GRIK3: variants seen among roughly 807,000 people sequenced by gnomAD.
The protein encoded by GRIK3 is glutamate ionotropic receptor kainate type subunit 3.
Under a neutral mutation model 102.5 loss-of-function variants are expected in GRIK3, and 29 were observed. That is an observed-to-expected ratio of 0.28 (90% CI 0.21 to 0.39). GRIK3 has a LOEUF of 0.39. Ranked by LOEUF, GRIK3 falls within the 10% of genes least tolerant of loss-of-function variation. GRIK3 has a pLI of 1.00. For missense variants in GRIK3, 908 were observed against 1,252.4 expected, an observed-to-expected ratio of 0.73 and a Z score of 4.15; for synonymous variants, 511 against 504.9, an observed-to-expected ratio of 1.01 and a Z score of -0.16.
intron 13 of GRIK3, among the ~76,000 whole-genome samples, chr1:36,809,011 T>G (rs1642529987): frequency 6.6e-6 from 1 of 152,202 alleles, no homozygotes; most frequent in Non-Finnish European, 1.5e-5. Flanking sequence ...TGATTGCAGC[T>G]CTTCAGTTCC....
At chr1:36,813,309 A>G (rs773936761) in intron 13 of GRIK3, among the ~76,000 whole-genome samples, 13 of 152,262 alleles carry the variant, frequency 8.5e-5, no homozygotes, top group East Asian at 1.9e-4. Context: ...AATGCTTGGA[A>G]TGGTGCCTGG....
At chr1:36,942,877 A>G (rs1232325589) in intron 1 of GRIK3, among the ~76,000 whole-genome samples, 1 of 152,056 alleles carries the variant, frequency 6.6e-6, no homozygotes, top group Admixed American at 6.6e-5. Flanking sequence ...GAAGTGGGGG[A>G]CCACTCTCCT....
intron 1 of GRIK3, among the ~76,000 whole-genome samples, chr1:36,948,945 G>A (rs1021251010): frequency 3.9e-5 from 6 of 152,216 alleles, no homozygotes; most frequent in African/African-American, 1.4e-4. Flanking sequence ...AGGGACCAGG[G>A]CACCAAGCGC....
At chr1:36,823,839 T>C (rs1338911426) in intron 11 of GRIK3, among the ~76,000 whole-genome samples, 1 of 152,182 alleles carries the variant, frequency 6.6e-6, no homozygotes, top group African/African-American at 2.4e-5. Flanking sequence ...GAACTTTATA[T>C]CTGGTCTGGG....
intron 1 of GRIK3, among the ~76,000 whole-genome samples, chr1:37,019,411 C>G (rs1453012391): frequency 6.6e-6 from 1 of 152,176 alleles, no homozygotes; most frequent in African/African-American, 2.4e-5. Flanking sequence ...TTCAGTTCGT[C>G]TCTTCATCTC....
At chr1:36,857,675 T>C (rs1640668329) in intron 7 of GRIK3, among the ~76,000 whole-genome samples, 1 of 152,220 alleles carries the variant, frequency 6.6e-6, no homozygotes, top group African/African-American at 2.4e-5. Flanking sequence ...CTGTATCTTA[T>C]CCACATTTAT....
chr1:36,831,237 C>T (rs993934218), intron 10 of GRIK3, among the ~76,000 whole-genome samples: 5 of 152,190 alleles, frequency 3.3e-5, no homozygotes, highest in Admixed American at 1.3e-4. Context: ...TTCCCAGAGA[C>T]GTGAACTTGA....
At chr1:36,868,249 G>A (rs1197102634) in intron 5 of GRIK3, among the ~76,000 whole-genome samples, 1 of 152,218 alleles carries the variant, frequency 6.6e-6, no homozygotes, top group East Asian at 1.9e-4. Flanking sequence ...TCAGGGGTCT[G>A]GTAGCCTCCC....
Position 36,920,638 on chromosome 1 carries a change from T to C in GRIK3, c.116-29542A>G, listed in dbSNP as rs555514088. Among the ~76,000 whole-genome samples the C allele has an allele frequency of 3.3e-5, 5 of 152,230 alleles. 1 individual carries two copies. Among genetic ancestry groups the C allele is most frequent in the African/African-American group, 9.6e-5 (4 of 41,554 alleles). ...CAGTTACTGTTGGCCACCTCCCCCA[T>C]GCACCAGCTCCTGTGCTCCAGCCCT... is the stretch of plus-strand genomic sequence containing the variant. On this transcript the variant is annotated intron_variant, in intron 1 of 15. Coordinates refer to ENST00000373091, the MANE Select transcript of GRIK3 (RefSeq NM_000831.4).
intron 1 of GRIK3, among the ~76,000 whole-genome samples, chr1:37,029,505 G>A (rs752728534): frequency 5.3e-5 from 8 of 152,318 alleles, no homozygotes; most frequent in South Asian, 4.1e-4. Flanking sequence ...TAGAGGAGGC[G>A]CCACCTCAGC....
intron 5 of GRIK3, among the ~76,000 whole-genome samples, chr1:36,865,087 A>G (rs1438130345): frequency 1.3e-5 from 2 of 152,222 alleles, no homozygotes; most frequent in African/African-American, 4.8e-5. Context: ...GCCTTAAGGA[A>G]TGACAGATGA....
At chr1:36,892,724 T>C (rs1378073907) in intron 1 of GRIK3, among the ~76,000 whole-genome samples, 2 of 152,186 alleles carry the variant, frequency 1.3e-5, no homozygotes, top group East Asian at 1.9e-4. Flanking sequence ...CATGAACTAA[T>C]GACCAAAACA....
At chr1:36,985,952 T>C (rs1642299555) in intron 1 of GRIK3, among the ~76,000 whole-genome samples, 1 of 152,046 alleles carries the variant, frequency 6.6e-6, no homozygotes. Context: ...CACTGTGGTG[T>C]CCTTGTAAGG....
chr1:36,890,940 C>T lies in GRIK3; in HGVS notation c.272G>A (p.Ser91Asn), dbSNP rs953038986. 1.9e-6 allele frequency: 3 copies of T among 1,611,602 alleles called. No individual in the cohort carries two copies. The East Asian group carries it at 6.7e-5, about 36-fold the overall frequency. The change falls in exon 2 of 16, where the codon AGC (serine) becomes AAC (asparagine). Residue 91 changes from serine (S) to asparagine (N), a missense_variant. Around this residue, in one of 3 missense-constraint regions of GRIK3, gnomAD observed 585 missense variants for 824.9 expected, o/e 0.71. Coordinates refer to ENST00000373091, the MANE Select transcript of GRIK3 (RefSeq NM_000831.4). ...CTCACCCTTTTTGGTCGCCTCGAAGCTGTCATGGAAGTGAATCCTCTGTAT... is the reference window on the plus strand; with the variant it reads ...CTCACCCTTTTTGGTCGCCTCGAAGTTGTCATGGAAGTGAATCCTCTGTAT... ...YDIQRIHFHDSFEATKKACDQ... is the reference protein window; with the variant it reads ...YDIQRIHFHDNFEATKKACDQ...
Position 36,908,262 on chromosome 1 carries a change from A to C in GRIK3, c.116-17166T>G, listed in dbSNP as rs143041494. ...CTGCTTCCAGGGGACCTGACCTAAG[A>C]CAGGGGTGACATTACTGGGGGGCAG... On this transcript the variant is annotated intron_variant, in intron 1 of 15. Coordinates refer to ENST00000373091, the MANE Select transcript of GRIK3 (RefSeq NM_000831.4). Among the ~76,000 whole-genome samples, 1,455 of 152,322 alleles carry C rather than the reference A, an allele frequency of 9.6e-3. 21 individuals carry two copies. Among genetic ancestry groups the C allele is most frequent in the African/African-American group, 0.032 (1,320 of 41,564 alleles).
chr1:36,901,712 C>A (rs1187567679), intron 1 of GRIK3, among the ~76,000 whole-genome samples: 1 of 152,074 alleles, frequency 6.6e-6, no homozygotes, highest in Admixed American at 6.5e-5. Context: ...CACTGGAAGT[C>A]CTAGCAAATG....
rs1176436887 is a variant in GRIK3, at chr1:36,872,644, G to A, written c.551-275C>T. Among the ~76,000 whole-genome samples the A allele has an allele frequency of 3.3e-5, 5 of 152,212 alleles. No homozygotes were observed. The highest frequency in any genetic ancestry group is 1.3e-4 in the Admixed American group (2 of 15,286). On this transcript the variant is annotated intron_variant, in intron 3 of 15. Coordinates refer to ENST00000373091, the MANE Select transcript of GRIK3 (RefSeq NM_000831.4). This position sits in a 1 kb window ranked among gnomAD's most constrained non-coding sequence, Gnocchi z 5.9. The stretch of plus-strand genomic sequence containing the variant: ...CAACACGTGTGTATATGTAGATTAA[G>A]GCCTGTGCACACAGTGGTGCAGTAC...
chr1:37,024,701 C>T (rs377763038), intron 1 of GRIK3, among the ~76,000 whole-genome samples: 87 of 144,560 alleles, frequency 6.0e-4, no homozygotes, highest in African/African-American at 2.0e-3. Flanking sequence ...TGAGATTGTG[C>T]CACTGCACTC....
At chr1:36,919,063 G>A (rs1270261112) in intron 1 of GRIK3, among the ~76,000 whole-genome samples, 2 of 152,216 alleles carry the variant, frequency 1.3e-5, no homozygotes, top group African/African-American at 4.8e-5. Context: ...AGCCCATAGA[G>A]GGGACTGTTT....
Sources: allele counts gnomAD v4.1 joint callset (sites outside exome capture counted in the v4.1 genomes callset), GRCh38; gene constraint gnomAD v4.1.1; regional missense constraint gnomAD v4.1.1; non-coding constraint Gnocchi (gnomAD v3.1); transcripts MANE v1.5; gene names NCBI Gene and HGNC (gene_info 2026-07-23, HGNC 2026-07-21).